The following CDH12 variants were observed in gnomAD, a reference collection of about 807,000 sequenced individuals.
The protein encoded by CDH12 is cadherin-12.
In CDH12, 41 loss-of-function variants were observed where a neutral mutation model predicts 74.1. The observed-to-expected ratio is 0.55, with a 90% CI of 0.43 to 0.72. CDH12 has a LOEUF of 0.72. CDH12 is among the 30% of genes least tolerant of loss of function. The pLI, the probability that CDH12 is intolerant of heterozygous loss-of-function variation, is 0.00. For synonymous variants in CDH12, 399 were observed against 355.0 expected (o/e 1.12, Z -1.39); for missense variants, 945 against 977.2 (o/e 0.97, Z 0.44).
At chr5:22,648,548 A>G (rs1346019343) in intron 1 of CDH12, among the ~76,000 whole-genome samples, 1 of 151,870 alleles carries the variant, frequency 6.6e-6, no homozygotes, top group Non-Finnish European at 1.5e-5. Flanking sequence ...TAAGTTCTCT[A>G]CCGATATCCC....
intron 6 of CDH12, among the ~76,000 whole-genome samples, chr5:21,968,440 A>G (rs1172407462): frequency 6.6e-6 from 1 of 152,232 alleles, no homozygotes; most frequent in Non-Finnish European, 1.5e-5. Context: ...TAACAAGTTC[A>G]ACATCCAAGT....
At chr5:22,612,691 ACTGT>A (rs1300066917) in intron 1 of CDH12, among the ~76,000 whole-genome samples, 1 of 151,982 alleles carries the variant, frequency 6.6e-6, no homozygotes, top group Non-Finnish European at 1.5e-5. Context: ...AGTATTTTTG[ACTGT>A]CTGGTGTGTT....
chr5:22,311,991 C>A (rs530343836), intron 3 of CDH12, among the ~76,000 whole-genome samples: 2 of 152,078 alleles, frequency 1.3e-5, no homozygotes, highest in South Asian at 2.1e-4. Context: ...TATGATCATG[C>A]AGTGCCAGCT....
intron 9 of CDH12, among the ~76,000 whole-genome samples, chr5:21,807,779 T>C (rs1018039142): frequency 9.9e-5 from 15 of 152,126 alleles, no homozygotes; most frequent in African/African-American, 3.6e-4. Context: ...CTGCCATTCA[T>C]TGTGTGAGAG....
At chr5:22,275,256 C>A (rs1293168875) in intron 3 of CDH12, among the ~76,000 whole-genome samples, 2 of 151,598 alleles carry the variant, frequency 1.3e-5, no homozygotes, top group African/African-American at 4.9e-5. Context: ...ACCAAACCTG[C>A]ACGTTCTGCA....
intron 1 of CDH12, among the ~76,000 whole-genome samples, chr5:22,672,842 A>G (rs975470021): frequency 2.6e-5 from 4 of 152,176 alleles, no homozygotes; most frequent in African/African-American, 9.7e-5. Flanking sequence ...ATGTAATTGT[A>G]TGTTCTATTT....
chr5:22,590,269 T>G (rs1448246524), intron 1 of CDH12, among the ~76,000 whole-genome samples: 3 of 152,094 alleles, frequency 2.0e-5, no homozygotes, highest in Non-Finnish European at 4.4e-5. Context: ...CTAAAGATCA[T>G]GAGCCTCAAA....
At position 21,755,859 on chromosome 5, in the gene CDH12, TTATGGTAA is replaced by T; in HGVS notation, c.1634-25_1634-18del. On this transcript the variant is annotated intron_variant, in intron 13 of 14. Transcript: ENST00000382254. ...CTGTGTTGTCTACAAAACATGACAT[TTATGGTAA>T]CATGGTTACTATAAGCTTCACTTCA... 4 of 1,613,284 alleles carry T rather than the reference TTATGGTAA, an allele frequency of 2.5e-6. No homozygotes were observed. The highest frequency in any genetic ancestry group is 3.4e-6 in the Non-Finnish European group (4 of 1,179,354).
At chr5:22,025,485 A>G (rs1292688480) in intron 5 of CDH12, among the ~76,000 whole-genome samples, 1 of 152,174 alleles carries the variant, frequency 6.6e-6, no homozygotes, top group Non-Finnish European at 1.5e-5. Flanking sequence ...AATGCTAATG[A>G]TCATCTCACT....
chr5:22,798,115 C>G (rs746778947), intron 1 of CDH12, among the ~76,000 whole-genome samples: 5 of 152,072 alleles, frequency 3.3e-5, no homozygotes, highest in Non-Finnish European at 5.9e-5. Context: ...ATTCTTATCC[C>G]CTGCCTCAAA....
intron 1 of CDH12, among the ~76,000 whole-genome samples, chr5:22,779,335 CA>C (rs139102124): frequency 0.051 from 7,775 of 152,194 alleles, 291 homozygotes; most frequent in South Asian, 0.11. Context: ...TCACAAAGGA[CA>C]TTTTTTATGT....
chr5:21,775,737 T>A (rs1205533821), intron 11 of CDH12, among the ~76,000 whole-genome samples: 2 of 152,020 alleles, frequency 1.3e-5, no homozygotes, highest in Non-Finnish European at 2.9e-5. Context: ...TTTAAAAAAA[T>A]AATTACTTAT....
intron 6 of CDH12, among the ~76,000 whole-genome samples, chr5:21,894,382 GAAAA>G (rs376989106): frequency 2.7e-5 from 2 of 73,440 alleles, no homozygotes; most frequent in Admixed American, 1.7e-4. Flanking sequence ...CCGTCTCAAA[GAAAA>G]AAAAAAAAAA....
intron 2 of CDH12, among the ~76,000 whole-genome samples, chr5:22,480,645 T>A (rs1019168610): frequency 1.3e-5 from 2 of 151,886 alleles, no homozygotes; most frequent in East Asian, 3.9e-4. Flanking sequence ...AAGGACACAT[T>A]GCCCAAAGTG....
intron 1 of CDH12, among the ~76,000 whole-genome samples, chr5:22,621,180 G>A (rs556974436): frequency 1.2e-4 from 19 of 152,210 alleles, no homozygotes; most frequent in African/African-American, 4.3e-4. Context: ...CAATCTCTCC[G>A]AGTCTGCTTC....
At chr5:22,594,762 T>C (rs1198551138) in intron 1 of CDH12, among the ~76,000 whole-genome samples, 2 of 152,142 alleles carry the variant, frequency 1.3e-5, no homozygotes, top group Admixed American at 1.3e-4. Flanking sequence ...GATTTGTTTA[T>C]TGCATCTTGA....
chr5:21,753,305 G>C (rs930085), intron 14 of CDH12, among the ~76,000 whole-genome samples: 82,957 of 152,028 alleles, frequency 0.55, 26,042 homozygotes, highest in Non-Finnish European at 0.7. Flanking sequence ...GGAGAGAGGA[G>C]ATCTAGGTAG....
At chr5:22,545,724 T>C (rs896702111) in intron 1 of CDH12, among the ~76,000 whole-genome samples, 3 of 152,220 alleles carry the variant, frequency 2.0e-5, no homozygotes, top group Non-Finnish European at 4.4e-5. Flanking sequence ...AAAATAATAA[T>C]TGATGTAAAA....
At chr5:22,738,125 C>A (rs1366696985) in intron 1 of CDH12, among the ~76,000 whole-genome samples, 2 of 151,874 alleles carry the variant, frequency 1.3e-5, no homozygotes, top group African/African-American at 4.8e-5. Context: ...CTGTTTAGAG[C>A]TGGAGAATGC....
Sources: allele counts gnomAD v4.1 joint callset (sites outside exome capture counted in the v4.1 genomes callset), GRCh38; gene constraint gnomAD v4.1.1; transcripts MANE v1.5; gene names NCBI Gene and HGNC (gene_info 2026-07-23, HGNC 2026-07-21).